RIMS3: variants seen among roughly 807,000 people sequenced by gnomAD.
RIMS3 encodes the protein regulating synaptic membrane exocytosis 3.
In RIMS3, 15 loss-of-function variants were observed where a neutral mutation model predicts 29.2. The observed-to-expected ratio is 0.51, with a 90% confidence interval of 0.34 to 0.79. The LOEUF is 0.79. Among genes scored for constraint, RIMS3 ranks in the 30% least tolerant of loss-of-function variants. The probability of loss-of-function intolerance (pLI) is 0.01; values close to 1 mark genes in which losing one functional copy is unlikely to be tolerated. For synonymous variants in RIMS3, 161 were observed against 170.1 expected (o/e 0.95, Z 0.41); for missense variants, 342 against 421.4 (o/e 0.81, Z 1.65).
chr1:40,690,192 C>T, the RIMS3 span, among the ~76,000 whole-genome samples: 1 of 152,134 alleles, frequency 6.6e-6, no homozygotes, highest in East Asian at 1.9e-4. Flanking sequence ...TACACTTTTA[C>T]ATTTTTTGGC....
At chr1:40,687,005 C>CAAAA in the RIMS3 span, among the ~76,000 whole-genome samples, 5 of 142,650 alleles carry the variant, frequency 3.5e-5, no homozygotes, top group Non-Finnish European at 7.6e-5. Context: ...GGTGGCTCCT[C>CAAAA]AAAAAAAAAA....
rs1642409473 is a variant in RIMS3 at position 40,665,400 on chromosome 1, G to A, written c.-213C>T. On this transcript the variant is annotated 5_prime_UTR_variant, in exon 1 of 8. Coordinates refer to ENST00000372684, the MANE Select transcript of RIMS3 (RefSeq NM_014747.3). ...GCAAGGCCTGCTGACTTACCCGGAGGTGGGGCCGGGGTCCAGACAGGGAGG... is the reference window on the plus strand; with the variant it reads ...GCAAGGCCTGCTGACTTACCCGGAGATGGGGCCGGGGTCCAGACAGGGAGG... The A allele has an allele frequency of 6.6e-6, 1 of 152,474 alleles. No homozygotes were observed. The highest frequency in any genetic ancestry group is 1.5e-5 in the Non-Finnish European group (1 of 68,274). 9.4% of individuals were successfully genotyped at this position (152,474 alleles called of 1,614,324 possible).
At chr1:40,685,521 C>G in the RIMS3 span, among the ~76,000 whole-genome samples, 2 of 151,740 alleles carry the variant, frequency 1.3e-5, no homozygotes, top group African/African-American at 4.8e-5. Flanking sequence ...CAATGAAGTT[C>G]TAAGGAAAGT....
Position 40,641,971 on chromosome 1 carries a change from G to C in RIMS3, c.-31-15C>G. The C allele has an allele frequency of 6.7e-7, 1 of 1,497,110 alleles. No homozygotes were observed. Among genetic ancestry groups the C allele is most frequent in the South Asian group, 1.1e-5 (1 of 87,532 alleles). The allele number at this position is 1,497,110 out of a possible 1,614,324, so 92.7% of individuals were successfully genotyped here. On this transcript the variant is annotated splice_polypyrimidine_tract_variant and intron_variant, in intron 2 of 7. Coordinates refer to ENST00000372684, the MANE Select transcript of RIMS3 (RefSeq NM_014747.3). ...CTCAGGCAGCTCTGAAGATGGGCAG[G>C]AAACAAAAGGATCCCACATCAGACC...
intron 4 of RIMS3, among the ~76,000 whole-genome samples, chr1:40,634,102 C>T (rs1031856393): frequency 6.6e-6 from 1 of 152,046 alleles, no homozygotes; most frequent in Non-Finnish European, 1.5e-5. Context: ...GGAGGGTTGG[C>T]CCTGCCAACC....
intron 1 of RIMS3, among the ~76,000 whole-genome samples, chr1:40,662,225 C>A (rs1642362663): frequency 2.6e-5 from 4 of 152,116 alleles, no homozygotes. Flanking sequence ...GCCCACACTG[C>A]CCTCCCTCTA....
At chr1:40,649,870 G>A (rs1026372645) in intron 1 of RIMS3, among the ~76,000 whole-genome samples, 2 of 152,194 alleles carry the variant, frequency 1.3e-5, no homozygotes, top group Non-Finnish European at 2.9e-5. Flanking sequence ...AGCCCTCTGA[G>A]GGTATGGTAA....
At chr1:40,651,086 T>C (rs777812197) in intron 1 of RIMS3, among the ~76,000 whole-genome samples, 2 of 152,140 alleles carry the variant, frequency 1.3e-5, no homozygotes, top group Non-Finnish European at 2.9e-5. Flanking sequence ...ACTCCCTTTG[T>C]ACTGTCCCTG....
At chr1:40,661,596 G>C (rs1405868486) in intron 1 of RIMS3, among the ~76,000 whole-genome samples, 1 of 152,176 alleles carries the variant, frequency 6.6e-6, no homozygotes, top group Admixed American at 6.5e-5. Flanking sequence ...CCCTGGGCCC[G>C]GCCCAGAGTT....
At chr1:40,629,535 T>C (rs1255957010) in intron 5 of RIMS3, among the ~76,000 whole-genome samples, 163 bp from the exon 6 acceptor site, 1 of 152,060 alleles carries the variant, frequency 6.6e-6, no homozygotes, top group Non-Finnish European at 1.5e-5. Flanking sequence ...AAGACCACTT[T>C]AAAGCAGCTG....
chr1:40,655,584 G>A (rs564815984), intron 1 of RIMS3, among the ~76,000 whole-genome samples: 2 of 152,294 alleles, frequency 1.3e-5, no homozygotes, highest in South Asian at 2.1e-4. Context: ...AGATTTGTTG[G>A]GCAGGTGGAA....
chr1:40,668,213 T>G (rs1251542551), upstream of RIMS3, among the ~76,000 whole-genome samples: 1 of 140,746 alleles, frequency 7.1e-6, no homozygotes, highest in Non-Finnish European at 1.5e-5. Flanking sequence ...ATCGCACCAC[T>G]GCACTCCAGC....
At chr1:40,630,547 T>C (rs914070852) in intron 5 of RIMS3, among the ~76,000 whole-genome samples, 4 of 152,218 alleles carry the variant, frequency 2.6e-5, no homozygotes, top group African/African-American at 9.6e-5. Flanking sequence ...GGGGATTTGC[T>C]AATTTCAAGA....
intron 1 of RIMS3, among the ~76,000 whole-genome samples, chr1:40,655,241 G>C (rs1248008609): frequency 6.6e-6 from 1 of 152,138 alleles, no homozygotes; most frequent in Admixed American, 6.5e-5. Flanking sequence ...GAAGCCCCAG[G>C]GGCAGCCTTG....
chr1:40,677,893 C>T, the RIMS3 span, among the ~76,000 whole-genome samples: 5 of 152,204 alleles, frequency 3.3e-5, no homozygotes, highest in African/African-American at 1.2e-4. Flanking sequence ...TAACCTGTAC[C>T]CTCTACAGAG....
intron 1 of RIMS3, among the ~76,000 whole-genome samples, chr1:40,650,055 CTCAG>C (rs2148355102): frequency 6.6e-6 from 1 of 152,338 alleles, no homozygotes; most frequent in Non-Finnish European, 1.5e-5. Context: ...TAGATACATT[CTCAG>C]TCACAGTCCT....
chr1:40,628,694 G>A lies in RIMS3; in HGVS notation c.714+116C>T, dbSNP rs776505076. 3.6e-4 allele frequency: 503 copies of A among 1,379,732 alleles called. 1 individual carries two copies. The highest frequency in any genetic ancestry group is 1.8e-3 in the South Asian group (155 of 85,474). 85.5% of individuals were successfully genotyped at this position (1,379,732 alleles called of 1,614,324 possible). A position where few individuals can be genotyped will look rare whatever the true frequency, so the allele number is the denominator to read the frequency against. The stretch of plus-strand genomic sequence containing the variant: ...AGGGTTGTGAAAGTAAATGAGTAAC[G>A]CAAATTAATGCACCTACCACAGCAC... On this transcript the variant is annotated intron_variant, in intron 7 of 7. Transcript: ENST00000372684.
chr1:40,685,840 T>C, the RIMS3 span, among the ~76,000 whole-genome samples: 1 of 151,582 alleles, frequency 6.6e-6, no homozygotes, highest in Non-Finnish European at 1.5e-5. Context: ...TCTACAACCT[T>C]TAAAGAAAAA....
chr1:40,628,978 A>G (rs1646471393), intron 6 of RIMS3, 29 bp from the exon 7 acceptor site: 28 of 1,612,264 alleles, frequency 1.7e-5, no homozygotes, highest in Non-Finnish European at 2.3e-5. Flanking sequence ...TATGACAGGG[A>G]GGGGTCCAGG....
Sources: gnomAD v4.1 joint callset for allele counts (sites outside exome capture counted in the v4.1 genomes callset) on GRCh38, gnomAD v4.1.1 for gene constraint, MANE v1.5 for transcripts, NCBI Gene and HGNC (gene_info 2026-07-23, HGNC 2026-07-21) for gene names.